Variants in BTRC observed in about 807,000 individuals in gnomAD.
The protein encoded by BTRC is beta-transducin repeat containing E3 ubiquitin protein ligase.
A neutral mutation model predicts 85.5 loss-of-function variants in BTRC; 42 were observed. The observed-to-expected ratio is 0.49, with a 90% CI of 0.38 to 0.64. BTRC has a LOEUF of 0.64. Ranked by LOEUF, BTRC falls within the 30% of genes least tolerant of loss-of-function variation. The pLI, the probability that BTRC is intolerant of heterozygous loss-of-function variation, is 0.00. For synonymous variants in BTRC, 255 were observed against 263.3 expected (o/e 0.97, Z 0.30); for missense variants, 594 against 743.5 (o/e 0.80, Z 2.34).
rs1357177360 is a variant in BTRC, at chr10:101,521,635, A to G, written c.325-4A>G. 4 of 1,608,592 alleles carry G rather than the reference A, an allele frequency of 2.5e-6. No homozygotes were observed. The highest frequency in any genetic ancestry group is 3.4e-6 in the Non-Finnish European group (4 of 1,175,892). ...TTTATGTTTCTTTTAACCCCCTTCT[A>G]CAGACAAAACTTGCCAATGGCACTT... On this transcript the variant is annotated splice_region_variant and splice_polypyrimidine_tract_variant and intron_variant, in intron 4 of 14. Transcript: ENST00000370187.
intron 2 of BTRC, among the ~76,000 whole-genome samples, chr10:101,432,810 C>A (rs921605176): frequency 6.6e-6 from 1 of 152,170 alleles, no homozygotes; most frequent in African/African-American, 2.4e-5. Context: ...ATCCTCTCCC[C>A]ATGGAGTCAT....
At chr10:101,540,669 A>T (rs747319690) in intron 13 of BTRC, among the ~76,000 whole-genome samples, 3 of 152,140 alleles carry the variant, frequency 2.0e-5, no homozygotes, top group Non-Finnish European at 4.4e-5. Flanking sequence ...TTAATTTTTT[A>T]ATAAATAAAT....
chr10:101,496,010 T>A (rs950156085), intron 4 of BTRC, among the ~76,000 whole-genome samples: 3 of 36,644 alleles, frequency 8.2e-5, no homozygotes, highest in African/African-American at 5.0e-4. Context: ...CATATAGTAT[T>A]TTTTTTTTTT....
At chr10:101,415,502 TTATG>T (rs56006135) in intron 1 of BTRC, among the ~76,000 whole-genome samples, 2 of 3,650 alleles carry the variant, frequency 5.5e-4, no homozygotes, top group African/African-American at 6.2e-4. Context: ...TTATGTTATG[TTATG>T]TTATGTTATG....
intron 14 of BTRC, among the ~76,000 whole-genome samples, chr10:101,552,608 C>G (rs539831542): frequency 6.6e-6 from 1 of 152,274 alleles, no homozygotes; most frequent in South Asian, 2.1e-4. Flanking sequence ...CAGTCCAAGC[C>G]TCTGCCTTAA....
At chr10:101,451,728 A>T (rs532344368) in intron 2 of BTRC, among the ~76,000 whole-genome samples, 1 of 152,242 alleles carries the variant, frequency 6.6e-6, no homozygotes, top group Non-Finnish European at 1.5e-5. Context: ...CGTATGGCAG[A>T]GGGTCAGTAA....
intron 13 of BTRC, 152 bp downstream of exon 13, chr10:101,538,523 T>C (rs2062420623): frequency 6.2e-6 from 4 of 643,642 alleles, no homozygotes; most frequent in Non-Finnish European, 1.1e-5. Flanking sequence ...GACAATAAAA[T>C]ATGTTTATAT....
chr10:101,537,304 G>A (rs550143625), intron 12 of BTRC, among the ~76,000 whole-genome samples: 1 of 152,252 alleles, frequency 6.6e-6, no homozygotes, highest in Admixed American at 6.5e-5. Flanking sequence ...GAGACAGGTG[G>A]ATCATTTGAG....
intron 2 of BTRC, among the ~76,000 whole-genome samples, chr10:101,459,543 G>A (rs1380103235): frequency 6.6e-6 from 1 of 152,210 alleles, no homozygotes; most frequent in East Asian, 1.9e-4. Flanking sequence ...CAGAGTAAAA[G>A]TGTTGGGTTA....
intron 4 of BTRC, among the ~76,000 whole-genome samples, chr10:101,512,892 T>C (rs9419920): frequency 0.37 from 56,276 of 152,028 alleles, 11,600 homozygotes; most frequent in Middle Eastern, 0.49. Flanking sequence ...GTGGCAGAAA[T>C]TTAGTGTTAC....
At chr10:101,422,326 T>C (rs572071840) in intron 1 of BTRC, among the ~76,000 whole-genome samples, 1 of 152,354 alleles carries the variant, frequency 6.6e-6, no homozygotes, top group East Asian at 1.9e-4. Flanking sequence ...TTGTTTGTTT[T>C]TTTCTTGTAA....
At chr10:101,361,974 C>T (rs1243117648) in intron 1 of BTRC, among the ~76,000 whole-genome samples, 1 of 151,876 alleles carries the variant, frequency 6.6e-6, no homozygotes, top group African/African-American at 2.4e-5. Context: ...TTTTTTCTTC[C>T]CCCTTGAGAC....
At chr10:101,475,610 T>G (rs1472737700) in intron 3 of BTRC, among the ~76,000 whole-genome samples, 1 of 152,130 alleles carries the variant, frequency 6.6e-6, no homozygotes, top group East Asian at 1.9e-4. Context: ...CTCTACTATT[T>G]TCCCCATTTT....
At chr10:101,479,797 G>A (rs924477785) in intron 4 of BTRC, among the ~76,000 whole-genome samples, 3 of 152,152 alleles carry the variant, frequency 2.0e-5, no homozygotes, top group African/African-American at 7.2e-5. Context: ...TACGTATAGA[G>A]TACATCACAT....
chr10:101,381,167 A>G (rs1418410911), intron 1 of BTRC, among the ~76,000 whole-genome samples: 1 of 152,170 alleles, frequency 6.6e-6, no homozygotes, highest in African/African-American at 2.4e-5. Context: ...CTTGTAGCTC[A>G]GTATATACCG....
intron 4 of BTRC, among the ~76,000 whole-genome samples, chr10:101,498,722 G>A (rs552691729): frequency 2.0e-5 from 3 of 152,242 alleles, no homozygotes; most frequent in Non-Finnish European, 2.9e-5. Flanking sequence ...CAGCCGTGGT[G>A]GTTCACGCCT....
intron 3 of BTRC, among the ~76,000 whole-genome samples, chr10:101,473,475 T>C (rs1037114270): frequency 6.9e-6 from 1 of 144,324 alleles, no homozygotes; most frequent in African/African-American, 2.6e-5. Context: ...CTTTTTTTTT[T>C]TTTTTTTTTT....
At chr10:101,442,159 T>C (rs955787609) in intron 2 of BTRC, among the ~76,000 whole-genome samples, 5 of 152,154 alleles carry the variant, frequency 3.3e-5, no homozygotes, top group African/African-American at 1.2e-4. Context: ...CTAGCTCCAG[T>C]TCCTGAAGAT....
chr10:101,364,924 C>T (rs954488201), intron 1 of BTRC: 1 of 151,092 alleles, frequency 6.6e-6, no homozygotes, highest in Non-Finnish European at 1.5e-5. Flanking sequence ...ATTCCATCTC[C>T]CTGCTCCAAA....
Sources: gnomAD v4.1 joint callset for allele counts (sites outside exome capture counted in the v4.1 genomes callset) on GRCh38, gnomAD v4.1.1 for gene constraint, MANE v1.5 for transcripts, NCBI Gene and HGNC (gene_info 2026-07-23, HGNC 2026-07-21) for gene names.